The following KIR3DL3 variants were observed in gnomAD, a reference collection of about 807,000 sequenced individuals.
KIR3DL3 encodes the protein killer cell immunoglobulin-like receptor 3DL3.
In KIR3DL3, 27 loss-of-function variants were observed where a neutral mutation model predicts 34.9. That is an observed-to-expected ratio of 0.77 (90% CI 0.57 to 1.07). KIR3DL3 has a LOEUF of 1.07. Ranked by LOEUF, KIR3DL3 falls within the 50% of genes least tolerant of loss-of-function variation. The probability of loss-of-function intolerance (pLI) is 0.00; values close to 1 mark genes in which losing one functional copy is unlikely to be tolerated. For missense variants in KIR3DL3, 681 were observed against 528.5 expected (o/e 1.29, Z -2.83); for synonymous variants, 217 against 200.2 (o/e 1.08, Z -0.71).
chr19:54,729,114 GATAC>G (rs2068514970), intron 4 of KIR3DL3, among the ~76,000 whole-genome samples: 1 of 148,732 alleles, frequency 6.7e-6, no homozygotes, highest in African/African-American at 2.5e-5. Flanking sequence ...ATAGATGATA[GATAC>G]ATACATAGAT....
At position 54,736,093 on chromosome 19, in the gene KIR3DL3, G is replaced by A. The variant is rs1249660311; in HGVS notation, c.1230G>A (p.Val410=). ...AGACACCCCCAACAGATACCAGCGT[G>A]TAACACGGAACTTCCAAATGCTGAG... The part of the protein sequence containing the change: ...RPKTPPTDTS[V] The change falls in exon 8 of 8, where the codon GTG becomes GTA. Residue 410 remains valine (V), a synonymous_variant. Transcript: ENST00000291860. 1.9e-6 allele frequency: 3 copies of A among 1,612,996 alleles called. No homozygotes were observed. The highest frequency in any genetic ancestry group is 1.7e-5 in the Admixed American group (1 of 59,792).
intron 5 of KIR3DL3, among the ~76,000 whole-genome samples, chr19:54,732,725 G>T (rs1334835626): frequency 6.7e-6 from 1 of 148,638 alleles, no homozygotes; most frequent in Non-Finnish European, 1.5e-5. Flanking sequence ...AGGCACAAAG[G>T]TGGAAACATT....
chr19:54,733,210 G>A (rs1287555324), intron 5 of KIR3DL3, among the ~76,000 whole-genome samples: 2 of 151,984 alleles, frequency 1.3e-5, no homozygotes, highest in African/African-American at 2.4e-5. Flanking sequence ...ACACATGAGG[G>A]GTGGTGCAAA....
intron 4 of KIR3DL3, among the ~76,000 whole-genome samples, chr19:54,729,004 C>A (rs113170354): frequency 1.8e-5 from 1 of 54,186 alleles, no homozygotes; most frequent in African/African-American, 4.9e-5. Context: ...GATAGAAAGA[C>A]AGATAAACAC....
intron 6 of KIR3DL3, 48 bp from the exon 7 acceptor site, chr19:54,735,772 A>G (rs752018227): frequency 1.6e-5 from 26 of 1,600,166 alleles, no homozygotes; most frequent in East Asian, 6.7e-5. Context: ...TGAAATGAGG[A>G]CCCAGAAGTG....
Position 54,727,620 on chromosome 19 carries a change from G to A in KIR3DL3, c.365G>A (p.Arg122Lys). 1.2e-6 allele frequency: 2 copies of A among 1,610,858 alleles called. No homozygotes were observed. Among genetic ancestry groups the A allele is most frequent in the Non-Finnish European group, 1.7e-6 (2 of 1,179,132 alleles). The change falls in exon 4 of 8, where the codon AGA becomes AAA. Residue 122 changes from arginine (R) to lysine (K), a missense_variant. Arg to Lys is a conservative substitution (Grantham distance 26, BLOSUM62 2). Coordinates refer to ENST00000291860, the MANE Select transcript of KIR3DL3 (RefSeq NM_153443.5). Reference protein sequence around the residue: ...PVVIMVTGVHRKPSLLAHPGP... With the variant: ...PVVIMVTGVHKKPSLLAHPGP... ...CAACCTCTCTTCTTAGGAGTCCACA[G>A]AAAACCTTCCCTCCTGGCCCACCCA...
chr19:54,734,635 A>G (rs2069234894), intron 5 of KIR3DL3, among the ~76,000 whole-genome samples: 1 of 146,136 alleles, frequency 6.8e-6, no homozygotes, highest in South Asian at 2.3e-4. Flanking sequence ...GTCTTAGTCC[A>G]TTTTTGTTGC....
chr19:54,732,466 C>T (rs2068921587), intron 5 of KIR3DL3, among the ~76,000 whole-genome samples: 1 of 151,814 alleles, frequency 6.6e-6, no homozygotes, highest in African/African-American at 2.4e-5. Flanking sequence ...CCATGTTGTG[C>T]AGGCTGTCTC....
intron 1 of KIR3DL3, among the ~76,000 whole-genome samples, 196 bp from the exon 2 acceptor site, chr19:54,725,051 G>A (rs1370081544): frequency 7.2e-6 from 1 of 139,150 alleles, no homozygotes; most frequent in Non-Finnish European, 1.6e-5. Context: ...TGGGCCTGGA[G>A]TAGAGATATA....
At chr19:54,730,975 G>A (rs1168049232) in intron 5 of KIR3DL3, among the ~76,000 whole-genome samples, 1 of 152,100 alleles carries the variant, frequency 6.6e-6, no homozygotes, top group Non-Finnish European at 1.5e-5. Context: ...TCCTCTGGAA[G>A]TGTCTTTTTA....
At chr19:54,728,954 G>A (rs1217884327) in intron 4 of KIR3DL3, among the ~76,000 whole-genome samples, 2 of 146,364 alleles carry the variant, frequency 1.4e-5, no homozygotes, top group East Asian at 2.0e-4. Flanking sequence ...AGATAGACAA[G>A]TAGAAAGACA....
Position 54,725,394 on chromosome 19 carries a change from A to G in KIR3DL3, c.70+112A>G. On this transcript the variant is annotated intron_variant, in intron 2 of 7. Coordinates refer to ENST00000291860, the MANE Select transcript of KIR3DL3 (RefSeq NM_153443.5). ...ACTGATGGGCTGACCATGGGAAGCC[A>G]TGTGGGAATCTCTCATGAACTAGGA... The G allele has an allele frequency of 9.4e-6, 8 of 854,744 alleles. No individual in the cohort carries two copies. In the South Asian group the frequency reaches 1.9e-4, roughly 20 times the overall value. The allele number at this position is 854,744 out of a possible 1,614,324, so 52.9% of individuals were successfully genotyped here. A position where few individuals can be genotyped will look rare whatever the true frequency, so the allele number is the denominator to read the frequency against.
At chr19:54,732,097 A>C (rs1244511661) in intron 5 of KIR3DL3, among the ~76,000 whole-genome samples, 1 of 152,312 alleles carries the variant, frequency 6.6e-6, no homozygotes, top group Non-Finnish European at 1.5e-5. Flanking sequence ...AATGGTAAAC[A>C]GGATGCATTT....
Position 54,726,310 on chromosome 19 carries a change from A to G in KIR3DL3, c.328A>G (p.Ser110Gly). The part of the protein sequence containing the change: ...PHSPTGWSAP[S>G]NPVVIMVTGV... ...CTCCCCCACTGGGTGGTCGGCACCC[A>G]GCAACCCTGTGGTGATCATGGTCAC... The change falls in exon 3 of 8, where the codon AGC (serine) becomes GGC (glycine). Residue 110 changes from serine (S) to glycine (G), a missense_variant. Physicochemically the swap from Ser to Gly is moderately conservative, Grantham distance 56 (BLOSUM62 0). Coordinates refer to ENST00000291860, the MANE Select transcript of KIR3DL3 (RefSeq NM_153443.5). The G allele has an allele frequency of 6.2e-7, 1 of 1,613,802 alleles. No individual in the cohort carries two copies. The highest frequency in any genetic ancestry group is 8.5e-7 in the Non-Finnish European group (1 of 1,179,948).
intron 3 of KIR3DL3, 142 bp from the exon 4 acceptor site, chr19:54,727,469 G>T: frequency 6.3e-6 from 5 of 793,988 alleles, no homozygotes; most frequent in Non-Finnish European, 7.8e-6. Flanking sequence ...CTGCAACAGG[G>T]GTTATGGGCA....
intron 4 of KIR3DL3, 102 bp from the exon 5 acceptor site, chr19:54,729,391 A>G (rs1460880683): frequency 1.6e-6 from 2 of 1,213,098 alleles, no homozygotes; most frequent in East Asian, 2.4e-5. Context: ...AGAGAAAGAG[A>G]GCATTAAGTC....
At position 54,724,523 on chromosome 19, in the gene KIR3DL3, G is replaced by A. The variant is rs375595220; in HGVS notation, c.27G>A (p.Ala9=). Residue 9 remains alanine (A), a synonymous_variant, in exon 1 of 8, where the codon GCG becomes GCA. Transcript: ENST00000291860. MSLMVVSM[A]CVGFFLLEGP... ...TGTCGCTCATGGTCGTCAGCATGGC[G>A]TGTGTTGGTGAGTCCTGGAAGGGAA... 49 of 1,612,704 alleles carry A rather than the reference G, an allele frequency of 3.0e-5. No homozygotes were observed. Among genetic ancestry groups the A allele is most frequent in the Admixed American group, 1.2e-4 (7 of 59,920 alleles).
chr19:54,728,976 T>C (rs1160452046), intron 4 of KIR3DL3, among the ~76,000 whole-genome samples: 1 of 128,688 alleles, frequency 7.8e-6, no homozygotes, highest in Non-Finnish European at 1.8e-5. Flanking sequence ...ACAGATGATA[T>C]ATAAATAGAT....
chr19:54,730,501 G>T (rs1298460765), intron 5 of KIR3DL3, among the ~76,000 whole-genome samples: 1 of 151,466 alleles, frequency 6.6e-6, no homozygotes, highest in Non-Finnish European at 1.5e-5. Context: ...TTAATTGCAG[G>T]AGGCGGAGGT....
Sources: allele counts gnomAD v4.1 joint callset (sites outside exome capture counted in the v4.1 genomes callset), GRCh38; gene constraint gnomAD v4.1.1; transcripts MANE v1.5; gene names NCBI Gene and HGNC (gene_info 2026-07-23, HGNC 2026-07-21).